Variants in SDF2 observed in about 807,000 individuals in gnomAD.
SDF2 encodes the protein stromal cell-derived factor 2.
Under a neutral mutation model 20.5 loss-of-function variants are expected in SDF2, and 12 were observed. The ratio of observed to expected loss-of-function variants is 0.58; its 90% CI spans 0.37 to 0.95. SDF2 has a LOEUF of 0.95. Ranked by LOEUF, SDF2 falls within the 40% of genes least tolerant of loss-of-function variation. The pLI, the probability that SDF2 is intolerant of heterozygous loss-of-function variation, is 0.01. For synonymous variants in SDF2, 100 were observed against 101.0 expected, an observed-to-expected ratio of 0.99 and a Z score of 0.06; for missense variants, 238 against 263.1, an observed-to-expected ratio of 0.90 and a Z score of 0.66.
rs766535354 is a variant in SDF2 at position 28,649,202 on chromosome 17, G to A, written c.423C>T (p.Tyr141=). ...ACCGCACCTCACCATCTCTCACCCA[G>A]TAGGGTCCATTACAGAGCACTGTCC... ...DDWTVLCNGP[Y]WVRDGEVRFK... is the part of the protein sequence containing the mutation. Residue 141 remains tyrosine (Y), a synonymous_variant, in exon 3 of 3, where the codon TAC becomes TAT. Transcript: ENST00000247020. 26 of 1,614,056 alleles carry A rather than the reference G, an allele frequency of 1.6e-5. No homozygotes were observed. Among genetic ancestry groups the A allele is most frequent in the Non-Finnish European group, 2.0e-5 (24 of 1,180,018 alleles).
At position 28,655,285 on chromosome 17, in the gene SDF2, A is replaced by C; in HGVS notation, c.348+2T>G. ...GCAACAATCCATCGAAAGCCACCTC[A>C]CCTGGTTTCCAGAAAGAGGTGAAGT... On this transcript the variant is annotated splice_donor_variant, in intron 2 of 2. Coordinates refer to ENST00000247020, the MANE Select transcript of SDF2 (RefSeq NM_006923.4). LOFTEE classifies it high-confidence loss of function. 1 of 1,613,984 alleles carries C rather than the reference A, an allele frequency of 6.2e-7. No individual in the cohort carries two copies. Among genetic ancestry groups the C allele is most frequent in the Non-Finnish European group, 8.5e-7 (1 of 1,179,952 alleles).
rs550243536 is a variant in SDF2, at chr17:28,659,230, G to A, written c.151+2496C>T. Among the ~76,000 whole-genome samples, 46 of 119,658 alleles carry A rather than the reference G, an allele frequency of 3.8e-4. No homozygotes were observed. In the Admixed American group the frequency reaches 3.9e-3, roughly 10 times the overall value. The allele number at this position is 119,658 out of a possible 152,430, so 78.5% of individuals were successfully genotyped here. On this transcript the variant is annotated intron_variant, in intron 1 of 2. Coordinates refer to ENST00000247020, the MANE Select transcript of SDF2 (RefSeq NM_006923.4). ...GACGGGGTGGCGGCCAGGCAGAGGC[G>A]CTCCCCACTTCCCAGACGGGGCGGC... is the stretch of plus-strand genomic sequence containing the variant.
chr17:28,661,626 C>T lies in SDF2; in HGVS notation c.151+100G>A, dbSNP rs938762401. ...CCTGAGGAACCTTCCCAGGGAACCC[C>T]TAACTTTCCCAGACCACACTGTCAG... On this transcript the variant is annotated intron_variant, in intron 1 of 2. Transcript: ENST00000247020. The T allele has an allele frequency of 2.2e-6, 3 of 1,356,762 alleles. No homozygotes were observed. The African/African-American group carries it at 4.3e-5, about 20-fold the overall frequency. 84.0% of individuals were successfully genotyped at this position (1,356,762 alleles called of 1,614,324 possible).
chr17:28,655,662 C>G (rs2071955669), intron 1 of SDF2, 179 bp from the exon 2 acceptor site: 1 of 630,430 alleles, frequency 1.6e-6, no homozygotes, highest in East Asian at 2.8e-5. Context: ...CTGAAGACCG[C>G]CCTCAGCCAT....
intron 1 of SDF2, 79 bp downstream of exon 1, chr17:28,661,647 G>A (rs1351711545): frequency 6.7e-7 from 1 of 1,487,270 alleles, no homozygotes; most frequent in Non-Finnish European, 9.2e-7. Flanking sequence ...AGACCACACT[G>A]TCAGATATTC....
intron 1 of SDF2, among the ~76,000 whole-genome samples, chr17:28,660,160 GC>G (rs1473115125): frequency 6.6e-6 from 1 of 152,212 alleles, no homozygotes; most frequent in East Asian, 1.9e-4. Context: ...AATCACGGGA[GC>G]CCCAGGCAGG....
At chr17:28,657,391 T>C (rs1296044891) in intron 1 of SDF2, among the ~76,000 whole-genome samples, 6 of 151,580 alleles carry the variant, frequency 4.0e-5, no homozygotes, top group Admixed American at 1.3e-4. Context: ...TAAACGTACA[T>C]ATATATATAT....
chr17:28,653,854 A>T (rs2071933921), intron 2 of SDF2, among the ~76,000 whole-genome samples: 1 of 152,150 alleles, frequency 6.6e-6, no homozygotes, highest in Admixed American at 6.6e-5. Flanking sequence ...TCAGAAAAAA[A>T]CTATGGTCTT....
rs75947949 is a variant in SDF2 at position 28,661,316 on chromosome 17, C to T, written c.151+410G>A. On this transcript the variant is annotated intron_variant, in intron 1 of 2. Coordinates refer to ENST00000247020, the MANE Select transcript of SDF2 (RefSeq NM_006923.4). ...TAACTTTAAAATTTCAGACACAGCA[C>T]TTACTGTAATTTTCTTGTCTCTAAA... 8.8e-3 allele frequency: 3,122 copies of T among 355,408 alleles called. 34 individuals are homozygous for T. Among genetic ancestry groups the T allele is most frequent in the Non-Finnish European group, 0.011 (1,974 of 179,518 alleles). The allele number at this position is 355,408 out of a possible 1,614,324, so 22.0% of individuals were successfully genotyped here. A position where few individuals can be genotyped will look rare whatever the true frequency, so the allele number is the denominator to read the frequency against.
At chr17:28,650,779 G>T (rs1283704988) in intron 2 of SDF2, among the ~76,000 whole-genome samples, 2 of 118,926 alleles carry the variant, frequency 1.7e-5, no homozygotes, top group Non-Finnish European at 3.2e-5. Flanking sequence ...CTCCAGCCTG[G>T]ATGACAAGAG....
At chr17:28,650,821 A>AAC (rs2071908440) in intron 2 of SDF2, among the ~76,000 whole-genome samples, 1 of 151,326 alleles carries the variant, frequency 6.6e-6, no homozygotes. Context: ...AAAAAAAAAA[A>AAC]AAAAAAAAAA....
chr17:28,659,532 G>A (rs1009270410), intron 1 of SDF2, among the ~76,000 whole-genome samples: 2 of 146,744 alleles, frequency 1.4e-5, no homozygotes, highest in Non-Finnish European at 3.0e-5. Context: ...CAGATGGGGT[G>A]GCAGCCGGGC....
chr17:28,649,983 G>T (rs1046647163), intron 2 of SDF2, among the ~76,000 whole-genome samples: 1 of 150,930 alleles, frequency 6.6e-6, no homozygotes, highest in South Asian at 2.1e-4. Context: ...ACAGAGTATC[G>T]CTCTTGTTGC....
intron 2 of SDF2, among the ~76,000 whole-genome samples, chr17:28,653,657 CA>C (rs1350842677): frequency 6.6e-6 from 1 of 152,034 alleles, no homozygotes; most frequent in African/African-American, 2.4e-5. Flanking sequence ...ACTGAAAATA[CA>C]AAAATCAGCC....
intron 1 of SDF2, chr17:28,661,010 G>C: frequency 3.0e-6 from 1 of 328,748 alleles, no homozygotes; most frequent in South Asian, 2.4e-5. Context: ...TAGCCATGTA[G>C]TAGGAACTCA....
In SDF2 at chr17:28,649,139, T is replaced by C. The variant is rs1369288349; in HGVS notation, c.486A>G (p.Thr162=). ...HSSTEVLLSV[T]GEQYGRPISG... is the part of the protein sequence containing the mutation. Reference sequence around the variant, plus strand: ...TGATAGGTCGACCATATTGTTCTCCTGTGACAGACAGCAGTACCTCAGTGG... The same window carrying C: ...TGATAGGTCGACCATATTGTTCTCCCGTGACAGACAGCAGTACCTCAGTGG... The change falls in exon 3 of 3, where the codon ACA becomes ACG. Residue 162 remains threonine, a synonymous_variant. Coordinates refer to ENST00000247020, the MANE Select transcript of SDF2 (RefSeq NM_006923.4). The C allele has an allele frequency of 2.5e-6, 4 of 1,614,232 alleles. No individual in the cohort carries two copies. In the South Asian group the frequency reaches 3.3e-5, roughly 13 times the overall value.
At chr17:28,653,797 G>T (rs909712280) in intron 2 of SDF2, among the ~76,000 whole-genome samples, 7 of 152,090 alleles carry the variant, frequency 4.6e-5, no homozygotes, top group African/African-American at 1.4e-4. Flanking sequence ...GGGACAGAGC[G>T]AGACTCTGTC....
intron 2 of SDF2, 105 bp from the exon 3 acceptor site, chr17:28,649,381 G>T: frequency 9.4e-7 from 1 of 1,066,106 alleles, no homozygotes. Context: ...TAAAAAATCA[G>T]AGGGGCCAGG....
chr17:28,649,136 T>G lies in SDF2; in HGVS notation c.489A>C (p.Gly163=). The G allele has an allele frequency of 6.2e-7, 1 of 1,614,224 alleles. No homozygotes were observed. The highest frequency in any genetic ancestry group is 8.5e-7 in the Non-Finnish European group (1 of 1,180,042). Residue 163 remains glycine (G), a synonymous_variant, in exon 3 of 3, where the codon GGA becomes GGC. Transcript: ENST00000247020. ...CACTGATAGGTCGACCATATTGTTC[T>G]CCTGTGACAGACAGCAGTACCTCAG... is the stretch of plus-strand genomic sequence containing the variant. The part of the protein sequence containing the change: ...SSTEVLLSVT[G]EQYGRPISGQ...
Sources: gnomAD v4.1 joint callset for allele counts (sites outside exome capture counted in the v4.1 genomes callset) on GRCh38, gnomAD v4.1.1 for gene constraint, MANE v1.5 for transcripts, NCBI Gene and HGNC (gene_info 2026-07-23, HGNC 2026-07-21) for gene names.